SCEL: variants seen among roughly 807,000 people sequenced by gnomAD.
SCEL encodes sciellin.
A neutral mutation model predicts 117.6 loss-of-function variants in SCEL; 113 were observed. The observed-to-expected ratio is 0.96, with a 90% CI of 0.83 to 1.12. The LOEUF (loss-of-function observed/expected upper bound fraction) is 1.12. Among genes scored for constraint, SCEL ranks in the 50% most tolerant of loss-of-function variants. SCEL has a pLI of 0.00. For synonymous variants in SCEL, 270 were observed against 256.2 expected (o/e 1.05, Z -0.51); for missense variants, 785 against 810.8 (o/e 0.97, Z 0.39).
chr13:77,602,687 T>C lies in SCEL; in HGVS notation c.1011T>C (p.Asn337=), dbSNP rs777197064. ...ATCTCGAATCTGTTGCTAAAGTGAA[T>C]GCCAGGATGAATAAAACGAGCAGAA... The part of the protein sequence containing the change: ...RQNLESVAKV[N]ARMNKTSRRS... The change falls in exon 17 of 33, where the codon AAT becomes AAC. Residue 337 remains asparagine (N), a synonymous_variant. Coordinates refer to ENST00000349847, the MANE Select transcript of SCEL (RefSeq NM_144777.3). 27 of 1,613,704 alleles carry C rather than the reference T, an allele frequency of 1.7e-5. No homozygotes were observed. Among genetic ancestry groups the C allele is most frequent in the Non-Finnish European group, 2.3e-5 (27 of 1,179,840 alleles).
At chr13:77,596,228 G>A (rs1191342811) in intron 12 of SCEL, among the ~76,000 whole-genome samples, 1 of 152,048 alleles carries the variant, frequency 6.6e-6, no homozygotes, top group Non-Finnish European at 1.5e-5. Context: ...AGCTACTTGG[G>A]AGGCTGAGGC....
At position 77,591,395 on chromosome 13, in the gene SCEL, G is replaced by A; in HGVS notation, c.627G>A (p.Arg209=). ...TAATCTTCTAACTTTGAAAATATAG[G>A]CAGATACATCCACCTAAACCAGGTG... is the stretch of plus-strand genomic sequence containing the variant. ...SSPNQLRQDN[R]QIHPPKPGVY... is the part of the protein sequence containing the mutation. The change falls in exon 11 of 33, where the codon AGG becomes AGA. Residue 209 remains arginine, a splice_region_variant and synonymous_variant. Coordinates refer to ENST00000349847, the MANE Select transcript of SCEL (RefSeq NM_144777.3). 1 of 1,561,136 alleles carries A rather than the reference G, an allele frequency of 6.4e-7. No individual in the cohort carries two copies. The highest frequency in any genetic ancestry group is 1.1e-5 in the South Asian group (1 of 88,910).
At chr13:77,542,203 C>T (rs1326524224) in intron 1 of SCEL, among the ~76,000 whole-genome samples, 1 of 152,162 alleles carries the variant, frequency 6.6e-6, no homozygotes, top group African/African-American at 2.4e-5. Context: ...GAGTTAGAGA[C>T]CAGCCTGACC....
At chr13:77,618,086 T>C in intron 27 of SCEL, 26 bp downstream of exon 27, 1 of 1,581,056 alleles carries the variant, frequency 6.3e-7, no homozygotes, top group Non-Finnish European at 8.7e-7. Flanking sequence ...TATCTTGACA[T>C]GTTTACAAGT....
chr13:77,555,565 G>A (rs371837329), intron 1 of SCEL, among the ~76,000 whole-genome samples: 7 of 152,146 alleles, frequency 4.6e-5, no homozygotes, highest in Non-Finnish European at 8.8e-5. Flanking sequence ...CATTCCATGC[G>A]TAATTATTGA....
chr13:77,628,081 A>G (rs2089840670), intron 28 of SCEL, 72 bp downstream of exon 28: 1 of 360,410 alleles, frequency 2.8e-6, no homozygotes, highest in East Asian at 6.4e-5. Context: ...ATAGCCTTAG[A>G]AGATTATATA....
intron 5 of SCEL, among the ~76,000 whole-genome samples, chr13:77,566,998 T>G (rs2085328349): frequency 2.0e-5 from 3 of 152,152 alleles, no homozygotes; most frequent in Non-Finnish European, 2.9e-5. Flanking sequence ...TAATATTGTT[T>G]ATGCCACAAA....
In SCEL at chr13:77,620,800, G is replaced by GAA. The variant is rs11398710; in HGVS notation, c.1628+2748_1628+2749dup. On this transcript the variant is annotated intron_variant, in intron 27 of 32. Coordinates refer to ENST00000349847, the MANE Select transcript of SCEL (RefSeq NM_144777.3). ...GAAAAGGCATCTTTCATCTAAAGTA[G>GAA]AAAAAAAAATACTCTTAACTGTTTG... Among the ~76,000 whole-genome samples the GAA allele has an allele frequency of 3.2e-4, 49 of 151,364 alleles. 1 individual carries two copies. In the East Asian group the frequency reaches 4.1e-3, roughly 13 times the overall value.
intron 9 of SCEL, among the ~76,000 whole-genome samples, chr13:77,580,511 A>G (rs895739739): frequency 6.6e-6 from 1 of 152,188 alleles, no homozygotes; most frequent in Non-Finnish European, 1.5e-5. Context: ...TGATTTCAGA[A>G]CCTACCATTA....
chr13:77,618,116 C>T, intron 27 of SCEL, 56 bp downstream of exon 27: 1 of 1,362,036 alleles, frequency 7.3e-7, no homozygotes, highest in South Asian at 1.2e-5. Context: ...AGGAACTTCT[C>T]CCTCCCTCCT....
chr13:77,624,292 G>T (rs2089604618), intron 27 of SCEL, among the ~76,000 whole-genome samples: 1 of 151,882 alleles, frequency 6.6e-6, no homozygotes, highest in Non-Finnish European at 1.5e-5. Flanking sequence ...TTTTAGTAGA[G>T]ACGGGGTTTC....
intron 1 of SCEL, among the ~76,000 whole-genome samples, chr13:77,536,447 T>C (rs2083426838): frequency 6.6e-6 from 1 of 152,146 alleles, no homozygotes; most frequent in Non-Finnish European, 1.5e-5. Context: ...TAAGGGTACA[T>C]GGTTCCTCAC....
In SCEL at chr13:77,572,109, G is replaced by T. The variant is rs965594085; in HGVS notation, c.480-15G>T. 2 of 1,609,034 alleles carry T rather than the reference G, an allele frequency of 1.2e-6. No individual in the cohort carries two copies. Among genetic ancestry groups the T allele is most frequent in the African/African-American group, 2.7e-5 (2 of 74,894 alleles). ...TTTCAATCACAATGTTTATTACCGT[G>T]TCATTTCTTAACAGGCAGTCCTGGT... On this transcript the variant is annotated splice_polypyrimidine_tract_variant and intron_variant, in intron 8 of 32. Transcript: ENST00000349847.
At chr13:77,563,308 T>C (rs1436599839) in intron 4 of SCEL, among the ~76,000 whole-genome samples, 3 of 152,102 alleles carry the variant, frequency 2.0e-5, no homozygotes, top group Non-Finnish European at 2.9e-5. Flanking sequence ...CTTTCTTTCC[T>C]GTCTTTCCCC....
intron 30 of SCEL, among the ~76,000 whole-genome samples, chr13:77,638,326 A>T (rs2090402038): frequency 6.6e-6 from 1 of 152,186 alleles, no homozygotes; most frequent in Admixed American, 6.5e-5. Flanking sequence ...TTGAGTAGTA[A>T]AGTCATTGAC....
chr13:77,556,579 C>A lies in SCEL; in HGVS notation c.44-17C>A. On this transcript the variant is annotated splice_polypyrimidine_tract_variant and intron_variant, in intron 2 of 32. Transcript: ENST00000349847. ...CACACTATTACATCTTCCAGTCTTTCATGTTTCTGTTGATAGAGATGAAGA... is the reference window on the plus strand; with the variant it reads ...CACACTATTACATCTTCCAGTCTTTAATGTTTCTGTTGATAGAGATGAAGA... The A allele has an allele frequency of 6.2e-7, 1 of 1,601,128 alleles. No homozygotes were observed. Among genetic ancestry groups the A allele is most frequent in the Non-Finnish European group, 8.6e-7 (1 of 1,168,396 alleles).
At chr13:77,547,457 A>G (rs1318166841) in intron 1 of SCEL, among the ~76,000 whole-genome samples, 1 of 152,242 alleles carries the variant, frequency 6.6e-6, no homozygotes, top group Non-Finnish European at 1.5e-5. Context: ...TGGTATAAAA[A>G]TGCTTTGATG....
chr13:77,595,658 T>C lies in SCEL; in HGVS notation c.753-1887T>C, dbSNP rs143732367. Among the ~76,000 whole-genome samples the C allele has an allele frequency of 9.1e-3, 1,389 of 152,238 alleles. 27 individuals are homozygous for C. The highest frequency in any genetic ancestry group is 0.031 in the African/African-American group (1,284 of 41,520). On this transcript the variant is annotated intron_variant, in intron 12 of 32. Transcript: ENST00000349847. ...TTCCCTTGGGGACATGAACAGATTG[T>C]TAGTCTCAGAGTTAGTGGGTAGAAT...
chr13:77,598,083 T>G (rs2087365646), intron 13 of SCEL, among the ~76,000 whole-genome samples: 1 of 152,182 alleles, frequency 6.6e-6, no homozygotes, highest in South Asian at 2.1e-4. Flanking sequence ...TGCCTCAGCC[T>G]CCCAAGTAGC....
Sources: allele counts gnomAD v4.1 joint callset (sites outside exome capture counted in the v4.1 genomes callset), GRCh38; gene constraint gnomAD v4.1.1; transcripts MANE v1.5; gene names NCBI Gene and HGNC (gene_info 2026-07-23, HGNC 2026-07-21).